TBL2: variants seen among roughly 807,000 people sequenced by gnomAD.
TBL2 encodes the protein transducin beta like 2.
In TBL2, 33 loss-of-function variants were observed where a neutral mutation model predicts 41.8. The ratio of observed to expected loss-of-function variants is 0.79; its 90% CI spans 0.60 to 1.06. The LOEUF (loss-of-function observed/expected upper bound fraction) is 1.06, where lower values mean the gene tolerates loss of function less well. Among genes scored for constraint, TBL2 ranks in the 50% least tolerant of loss-of-function variants. TBL2 has a pLI of 0.00. For missense variants in TBL2, 522 were observed against 603.8 expected (o/e 0.86, Z 1.42); for synonymous variants, 239 against 241.7 (o/e 0.99, Z 0.10).
At position 73,578,544 on chromosome 7, in the gene TBL2, C is replaced by T. The variant is rs369089845; in HGVS notation, c.6G>A (p.Glu2=). 5.0e-6 allele frequency: 8 copies of T among 1,591,688 alleles called. No individual in the cohort carries two copies. Among genetic ancestry groups the T allele is most frequent in the African/African-American group, 4.2e-5 (3 of 72,018 alleles). M[E]LSQMSELMGL... The stretch of plus-strand genomic sequence containing the variant: ...CCATGAGCTCCGACATCTGCGAGAG[C>T]TCCATGTTGGTGGAACCACTGCCAC... The change falls in exon 1 of 7, where the codon GAG becomes GAA. Residue 2 remains glutamate (E), a synonymous_variant. Coordinates refer to ENST00000305632, the MANE Select transcript of TBL2 (RefSeq NM_012453.4).
Position 73,568,707 on chromosome 7 carries a change from AT to A in TBL2, c.*1799del, listed in dbSNP as rs1367869259. ...GGGAGGCCAAGGGGGGTGGTGGATC[AT>A]TTGAGGTCAGGAGTTCGAGAGCAGC... On this transcript the variant is annotated 3_prime_UTR_variant, in exon 7 of 7. Transcript: ENST00000305632. 2.9e-4 allele frequency among the ~76,000 whole-genome samples: 44 copies of A among 152,268 alleles called. No individual in the cohort carries two copies. Among genetic ancestry groups the A allele is most frequent in the African/African-American group, 9.6e-4 (40 of 41,566 alleles).
In TBL2 at chr7:73,574,040, C is replaced by A. The variant is rs1554588344; in HGVS notation, c.344G>T (p.Arg115Leu). ...LATCADDRTIRIWSTKDFLQR... is the reference protein window; with the variant it reads ...LATCADDRTILIWSTKDFLQR... Reference sequence around the variant, plus strand: ...CAGGAAGTCCTTGGTGCTCCAGATGCGGATGGTGCGATCATCTGCACAGGT... The same window carrying A: ...CAGGAAGTCCTTGGTGCTCCAGATGAGGATGGTGCGATCATCTGCACAGGT... The change falls in exon 3 of 7, where the codon CGC (arginine) becomes CTC (leucine). Residue 115 changes from arginine to leucine, a missense_variant. Arg to Leu is a moderately radical substitution (Grantham distance 102). Coordinates refer to ENST00000305632, the MANE Select transcript of TBL2 (RefSeq NM_012453.4). The A allele has an allele frequency of 6.2e-7, 1 of 1,614,164 alleles. No individual in the cohort carries two copies. Among genetic ancestry groups the A allele is most frequent in the Admixed American group, 1.7e-5 (1 of 60,018 alleles).
intron 1 of TBL2, chr7:73,577,937 C>T: frequency 3.7e-6 from 1 of 271,494 alleles, no homozygotes; most frequent in East Asian, 8.4e-5. Context: ...TTCGCCTGGC[C>T]TCAGTGAAAC....
At chr7:73,576,032 AAAAT>A (rs557508065) in intron 1 of TBL2, among the ~76,000 whole-genome samples, 2 of 151,674 alleles carry the variant, frequency 1.3e-5, no homozygotes, top group African/African-American at 2.4e-5. Context: ...ATTCTGTCTC[AAAAT>A]AAATAAATAA....
Position 73,571,210 on chromosome 7 carries a change from G to A in TBL2, c.857C>T (p.Ala286Val). Residue 286 changes from alanine (A) to valine (V), a missense_variant, in exon 6 of 7, where the codon GCT becomes GTT. Coordinates refer to ENST00000305632, the MANE Select transcript of TBL2 (RefSeq NM_012453.4). Reference protein sequence around the residue: ...KGHSAAVHSFAFSNDSRRMAS... With the variant: ...KGHSAAVHSFVFSNDSRRMAS... ...TCACCTCCGTGAGTCGTTGGAGAAA[G>A]CAAACGAGTGCACAGCCGCGGAGTG... 6.2e-7 allele frequency: 1 copy of A among 1,614,252 alleles called. No homozygotes were observed. The highest frequency in any genetic ancestry group is 8.5e-7 in the Non-Finnish European group (1 of 1,180,054).
Position 73,574,027 on chromosome 7 carries a change from G to A in TBL2, c.357C>T (p.Thr119=), listed in dbSNP as rs1554588338. 6.2e-7 allele frequency: 1 copy of A among 1,614,192 alleles called. No homozygotes were observed. The highest frequency in any genetic ancestry group is 2.2e-5 in the East Asian group (1 of 44,892). The part of the protein sequence containing the change: ...ADDRTIRIWS[T]KDFLQREHRS... The stretch of plus-strand genomic sequence containing the variant: ...GGTGCTCTCGCTGCAGGAAGTCCTT[G>A]GTGCTCCAGATGCGGATGGTGCGAT... Residue 119 remains threonine (T), a synonymous_variant, in exon 3 of 7, where the codon ACC becomes ACT. Transcript: ENST00000305632.
At chr7:73,573,257 G>A (rs1554588132) in intron 4 of TBL2, 63 bp downstream of exon 4, 13 of 1,593,944 alleles carry the variant, frequency 8.2e-6, no homozygotes, top group Non-Finnish European at 1.1e-5. Context: ...AACTCATTGA[G>A]GAAATAGAAC....
At position 73,571,350 on chromosome 7, in the gene TBL2, C is replaced by T. The variant is rs560613840; in HGVS notation, c.726-9G>A. ...CACACGAGGCTACAAATCTGCCATACAACCCAGAAGCCTTTAAAACTTCAT... is the reference window on the plus strand; with the variant it reads ...CACACGAGGCTACAAATCTGCCATATAACCCAGAAGCCTTTAAAACTTCAT... On this transcript the variant is annotated splice_polypyrimidine_tract_variant and intron_variant, in intron 5 of 6. Transcript: ENST00000305632. 44 of 1,614,216 alleles carry T rather than the reference C, an allele frequency of 2.7e-5. No homozygotes were observed. Among genetic ancestry groups the T allele is most frequent in the East Asian group, 6.7e-5 (3 of 44,884 alleles).
At chr7:73,573,802 A>T in intron 3 of TBL2, 136 bp downstream of exon 3, 1 of 1,119,972 alleles carries the variant, frequency 8.9e-7, no homozygotes, top group Non-Finnish European at 1.2e-6. Context: ...CGCGCAAACT[A>T]TGTGGATGCT....
chr7:73,570,648 G>A lies in TBL2; in HGVS notation c.1203C>T (p.Asn401=), dbSNP rs532805936. The A allele has an allele frequency of 6.2e-6, 10 of 1,613,854 alleles. No individual in the cohort carries two copies. In the African/African-American group the frequency reaches 6.7e-5, roughly 11 times the overall value. Residue 401 remains asparagine, a synonymous_variant, in exon 7 of 7, where the codon AAC becomes AAT. Coordinates refer to ENST00000305632, the MANE Select transcript of TBL2 (RefSeq NM_012453.4). Reference sequence around the variant, plus strand: ...CCACCATGGCTCGGTGGCCAGGAGTGTTGTGAAACAGCCGCACCGCCCGGT... The same window carrying A: ...CCACCATGGCTCGGTGGCCAGGAGTATTGTGAAACAGCCGCACCGCCCGGT... The part of the protein sequence containing the change: ...CGDRAVRLFH[N]TPGHRAMVEE...
In TBL2 at chr7:73,573,961, C is replaced by G. The variant is rs1554588298; in HGVS notation, c.423G>C (p.Leu141=). Residue 141 remains leucine, a synonymous_variant, in exon 3 of 7, where the codon CTG becomes CTC. Coordinates refer to ENST00000305632, the MANE Select transcript of TBL2 (RefSeq NM_012453.4). ...ACCTGCAGTCAGGGCTGAAGCGCACCAGGGTGGCGTGGTCCAGCTCCACGT... is the reference window on the plus strand; with the variant it reads ...ACCTGCAGTCAGGGCTGAAGCGCACGAGGGTGGCGTGGTCCAGCTCCACGT... ...RANVELDHAT[L]VRFSPDCRAF... is the part of the protein sequence containing the mutation. 5.6e-6 allele frequency: 9 copies of G among 1,613,746 alleles called. No homozygotes were observed. The highest frequency in any genetic ancestry group is 1.7e-5 in the Admixed American group (1 of 59,994).
In TBL2 at chr7:73,568,368, TGTTTA is replaced by T. The variant is rs1792728773; in HGVS notation, c.*2134_*2138del. ...TTAGTGTTTTGTTTGGTCCAGATAG[TGTTTA>T]GTTATTTAAGTTGCTCACTTCTAGC... On this transcript the variant is annotated 3_prime_UTR_variant, in exon 7 of 7. Transcript: ENST00000305632. Among the ~76,000 whole-genome samples, 1 of 151,994 alleles carries T rather than the reference TGTTTA, an allele frequency of 6.6e-6. No individual in the cohort carries two copies. Among genetic ancestry groups the T allele is most frequent in the Non-Finnish European group, 1.5e-5 (1 of 68,002 alleles).
In TBL2 at chr7:73,568,743, A is replaced by G. The variant is rs1554586655; in HGVS notation, c.*1764T>C. On this transcript the variant is annotated 3_prime_UTR_variant, in exon 7 of 7. Transcript: ENST00000305632. ...GGAGTTCGAGAGCAGCCTGGCCAAC[A>G]TCGTGAAACCCTGTCTCTACTAAAA... is the stretch of plus-strand genomic sequence containing the variant. 6.6e-6 allele frequency among the ~76,000 whole-genome samples: 1 copy of G among 152,102 alleles called. No homozygotes were observed. Among genetic ancestry groups the G allele is most frequent in the East Asian group, 1.9e-4 (1 of 5,190 alleles).
Position 73,571,277 on chromosome 7 carries a change from C to G in TBL2, c.790G>C (p.Gly264Arg), listed in dbSNP as rs138587904. The part of the protein sequence containing the change: ...KVWEVCFGKK[G>R]EFQEVVRAFE... ...GCTCGCACCACCTCCTGGAACTCCC[C>G]CTTCTTTCCAAAGCAGACTTCCCAA... The change falls in exon 6 of 7, where the codon GGG becomes CGG. Residue 264 changes from glycine to arginine, a missense_variant. Coordinates refer to ENST00000305632, the MANE Select transcript of TBL2 (RefSeq NM_012453.4). The G allele has an allele frequency of 1.2e-6, 2 of 1,614,232 alleles. No individual in the cohort carries two copies. Among genetic ancestry groups the G allele is most frequent in the Non-Finnish European group, 1.7e-6 (2 of 1,180,050 alleles).
rs782234313 is a variant in TBL2 at position 73,574,113 on chromosome 7, C to T, written c.271G>A (p.Gly91Arg). 4.6e-5 allele frequency: 75 copies of T among 1,613,998 alleles called. No homozygotes were observed. The highest frequency in any genetic ancestry group is 1.1e-4 in the African/African-American group (8 of 75,030). ...CTAAAGTCCATGCAAGATATGTTCC[C>T]GCTGTGGCTCTAGGGGAAGGGTGGC... ...LLAAALKSHS[G>R]NISCMDFSSN... Residue 91 changes from glycine (G) to arginine (R), a missense_variant, in exon 3 of 7, where the codon GGG becomes AGG. Physicochemically the swap from Gly to Arg is moderately radical, Grantham distance 125. Transcript: ENST00000305632.
chr7:73,571,479 G>A (rs1221162152), intron 5 of TBL2, 138 bp from the exon 6 acceptor site: 16 of 1,261,656 alleles, frequency 1.3e-5, no homozygotes, highest in East Asian at 1.1e-4. Context: ...TATTTTGGCC[G>A]GGCGCGGTGG....
Position 73,570,273 on chromosome 7 carries a change from TG to T in TBL2, c.*233del. Reference sequence around the variant, plus strand: ...CCAGGTGGGGACAGATTCCACCCACTGGGCCTGGGAGGAAGAAAAGCACCTT... The same window carrying T: ...CCAGGTGGGGACAGATTCCACCCACTGGCCTGGGAGGAAGAAAAGCACCTT... On this transcript the variant is annotated 3_prime_UTR_variant, in exon 7 of 7. Coordinates refer to ENST00000305632, the MANE Select transcript of TBL2 (RefSeq NM_012453.4). 1.7e-6 allele frequency: 1 copy of T among 579,080 alleles called. No homozygotes were observed. The highest frequency in any genetic ancestry group is 2.8e-6 in the Non-Finnish European group (1 of 359,818). The allele number at this position is 579,080 out of a possible 1,614,324, so 35.9% of individuals were successfully genotyped here.
At chr7:73,578,117 C>T (rs1282197817) in intron 1 of TBL2, 3 of 773,344 alleles carry the variant, frequency 3.9e-6, no homozygotes, top group Non-Finnish European at 5.9e-6. Context: ...AGATCGCGGC[C>T]ACGGAGCAGG....
intron 3 of TBL2, 144 bp downstream of exon 3, chr7:73,573,794 C>T (rs972395744): frequency 4.8e-5 from 50 of 1,048,428 alleles, no homozygotes; most frequent in South Asian, 1.3e-4. Context: ...CCAGGCAGCG[C>T]GCAAACTATG....
Sources: gnomAD v4.1 joint callset for allele counts (sites outside exome capture counted in the v4.1 genomes callset) on GRCh38, gnomAD v4.1.1 for gene constraint, MANE v1.5 for transcripts, NCBI Gene and HGNC (gene_info 2026-07-23, HGNC 2026-07-21) for gene names.